SLC25A28: variants seen among roughly 807,000 people sequenced by gnomAD.
SLC25A28 encodes the protein mitoferrin-2.
SLC25A28 carries 10 observed loss-of-function variants against 31.9 expected under a neutral mutation model. The ratio of observed to expected loss-of-function variants is 0.31; its 90% confidence interval spans 0.19 to 0.53. The LOEUF (loss-of-function observed/expected upper bound fraction) is 0.53, where lower values mean the gene tolerates loss of function less well. SLC25A28 is among the 20% of genes least tolerant of loss of function. SLC25A28 has a pLI of 0.95. For synonymous variants in SLC25A28, 208 were observed against 203.6 expected, an observed-to-expected ratio of 1.02 and a Z score of -0.19; for missense variants, 256 against 490.3, an observed-to-expected ratio of 0.52 and a Z score of 4.51.
chr10:99,636,285 C>T, the SLC25A28 span, among the ~76,000 whole-genome samples: 1 of 152,148 alleles, frequency 6.6e-6, no homozygotes, highest in Admixed American at 6.5e-5. Context: ...TCTCAGATTA[C>T]AGTGGAATAA....
the SLC25A28 span, among the ~76,000 whole-genome samples, chr10:99,627,732 T>C: frequency 6.6e-6 from 1 of 152,188 alleles, no homozygotes; most frequent in Non-Finnish European, 1.5e-5. Context: ...TGAGCTACCG[T>C]ACCCTGCCCA....
At chr10:99,633,167 A>G in the SLC25A28 span, among the ~76,000 whole-genome samples, 3 of 152,064 alleles carry the variant, frequency 2.0e-5, no homozygotes, top group Non-Finnish European at 4.4e-5. Context: ...CCTCAACCCC[A>G]TAAGCCTTGA....
the SLC25A28 span, among the ~76,000 whole-genome samples, chr10:99,649,330 A>T: frequency 7.2e-5 from 11 of 152,210 alleles, no homozygotes; most frequent in African/African-American, 2.4e-4. Context: ...TATCTTTTTG[A>T]TATGCTGTTG....
At chr10:99,639,590 A>G in the SLC25A28 span, among the ~76,000 whole-genome samples, 1 of 152,050 alleles carries the variant, frequency 6.6e-6, no homozygotes, top group Non-Finnish European at 1.5e-5. Flanking sequence ...TTGATCCACT[A>G]GGTAATAACT....
Position 99,613,405 on chromosome 10 carries a change from C to T in SLC25A28, c.520+291G>A, listed in dbSNP as rs2034575989. ...ATAGACTGGGGGTAGTTCAGTGTGTCTCCACATTACCAGGGCATTAGAAGT... is the reference window on the plus strand; with the variant it reads ...ATAGACTGGGGGTAGTTCAGTGTGTTTCCACATTACCAGGGCATTAGAAGT... On this transcript the variant is annotated intron_variant, in intron 2 of 3. Transcript: ENST00000370495. This position sits in a 1 kb window ranked among gnomAD's most constrained non-coding sequence, Gnocchi z 4.9. The T allele has an allele frequency of 3.9e-6, 5 of 1,298,332 alleles. No individual in the cohort carries two copies. The highest frequency in any genetic ancestry group is 4.9e-6 in the Non-Finnish European group (5 of 1,014,782). 80.4% of individuals were successfully genotyped at this position (1,298,332 alleles called of 1,614,324 possible). A position where few individuals can be genotyped will look rare whatever the true frequency, so the allele number is the denominator to read the frequency against.
chr10:99,638,626 G>A, the SLC25A28 span, among the ~76,000 whole-genome samples: 1 of 152,052 alleles, frequency 6.6e-6, no homozygotes, highest in Admixed American at 6.5e-5. Context: ...GTGGGCTAAG[G>A]ACATGAATAG....
the SLC25A28 span, among the ~76,000 whole-genome samples, chr10:99,630,860 A>T: frequency 1.3e-5 from 2 of 152,210 alleles, no homozygotes; most frequent in Non-Finnish European, 2.9e-5. Flanking sequence ...TACTAAAATC[A>T]TATGTTAAGG....
intron 1 of SLC25A28, chr10:99,617,369 T>C (rs1057490878): frequency 8.1e-6 from 8 of 985,364 alleles, no homozygotes; most frequent in Middle Eastern, 5.2e-4. Context: ...AACTTGACCC[T>C]GATAAGTAGC....
At chr10:99,647,880 A>G in the SLC25A28 span, among the ~76,000 whole-genome samples, 1 of 152,192 alleles carries the variant, frequency 6.6e-6, no homozygotes, top group Admixed American at 6.5e-5. Flanking sequence ...ATGGCCATCC[A>G]ATTTTCCTAG....
chr10:99,649,324 T>C, the SLC25A28 span, among the ~76,000 whole-genome samples: 2 of 152,212 alleles, frequency 1.3e-5, no homozygotes, highest in Non-Finnish European at 2.9e-5. Context: ...GTGTATTATC[T>C]TTTTGATATG....
chr10:99,636,475 G>C, the SLC25A28 span, among the ~76,000 whole-genome samples: 13 of 152,182 alleles, frequency 8.5e-5, no homozygotes, highest in South Asian at 2.7e-3. Flanking sequence ...GTGGTGCTAA[G>C]AGGAAAGTTC....
chr10:99,637,823 C>G, the SLC25A28 span, among the ~76,000 whole-genome samples: 1 of 152,120 alleles, frequency 6.6e-6, no homozygotes, highest in East Asian at 1.9e-4. Flanking sequence ...GAAACACATC[C>G]CATGCTCATG....
chr10:99,631,660 C>G, the SLC25A28 span, among the ~76,000 whole-genome samples: 1 of 151,996 alleles, frequency 6.6e-6, no homozygotes, highest in Non-Finnish European at 1.5e-5. Context: ...GTCATGACTC[C>G]TCACCAGAAA....
the SLC25A28 span, among the ~76,000 whole-genome samples, chr10:99,640,720 G>A: frequency 2.6e-5 from 3 of 116,822 alleles, no homozygotes; most frequent in Non-Finnish European, 5.5e-5. Flanking sequence ...CCCCGCTCCC[G>A]CCACCTCATG....
intron 1 of SLC25A28, 99 bp downstream of exon 1, chr10:99,619,946 C>T: frequency 7.8e-7 from 1 of 1,275,594 alleles, no homozygotes. Context: ...AGGAAGGAAC[C>T]CATGTCGGCT....
At chr10:99,632,118 G>A in the SLC25A28 span, among the ~76,000 whole-genome samples, 7 of 150,992 alleles carry the variant, frequency 4.6e-5, no homozygotes, top group African/African-American at 1.2e-4. Context: ...GGATGGTCTC[G>A]ATCTCCTGAC....
the SLC25A28 span, among the ~76,000 whole-genome samples, chr10:99,637,567 G>A: frequency 6.6e-5 from 10 of 152,236 alleles, no homozygotes; most frequent in East Asian, 3.9e-4. Context: ...TCCTAGAACC[G>A]ATAAAAGAAT....
chr10:99,619,068 C>T, intron 1 of SLC25A28: 1 of 985,412 alleles, frequency 1.0e-6, no homozygotes, highest in Non-Finnish European at 1.2e-6. Context: ...TACTAATGTA[C>T]AAGAATAAGA....
the SLC25A28 span, among the ~76,000 whole-genome samples, chr10:99,655,639 T>A: frequency 6.6e-6 from 1 of 152,150 alleles, no homozygotes; most frequent in Non-Finnish European, 1.5e-5. Flanking sequence ...ATGTATCTCT[T>A]TTTAAGATGA....
Sources: allele counts gnomAD v4.1 joint callset (sites outside exome capture counted in the v4.1 genomes callset), GRCh38; gene constraint gnomAD v4.1.1; non-coding constraint Gnocchi (gnomAD v3.1); transcripts MANE v1.5; gene names NCBI Gene and HGNC (gene_info 2026-07-23, HGNC 2026-07-21).